The following SARS1 variants were observed in gnomAD, a reference collection of about 807,000 sequenced individuals.
The protein encoded by SARS1 is serine--tRNA ligase, cytoplasmic.
SARS1 carries 25 observed loss-of-function variants against 63.7 expected under a neutral mutation model. The ratio of observed to expected loss-of-function variants is 0.39; its 90% CI spans 0.29 to 0.55. The LOEUF (loss-of-function observed/expected upper bound fraction) is 0.55. SARS1 is among the 20% of genes least tolerant of loss of function. SARS1 has a pLI of 0.62. For missense variants in SARS1, 417 were observed against 649.7 expected (o/e 0.64, Z 3.89); for synonymous variants, 231 against 243.5 (o/e 0.95, Z 0.48).
intron 9 of SARS1, 135 bp downstream of exon 9, chr1:109,236,683 A>G: frequency 6.7e-7 from 1 of 1,484,418 alleles, no homozygotes; most frequent in Non-Finnish European, 9.0e-7. Flanking sequence ...CCAAAAAGGG[A>G]ATCTGAAAAT....
At position 109,214,064 on chromosome 1, in the gene SARS1, G is replaced by A; in HGVS notation, c.72G>A (p.Glu24=). The A allele has an allele frequency of 6.2e-7, 1 of 1,614,192 alleles. No individual in the cohort carries two copies. The highest frequency in any genetic ancestry group is 8.5e-7 in the Non-Finnish European group (1 of 1,180,016). The change falls in exon 1 of 11, where the codon GAG becomes GAA. Residue 24 remains glutamate, a synonymous_variant. Coordinates refer to ENST00000234677, the MANE Select transcript of SARS1 (RefSeq NM_006513.4). The surrounding 1 kb of genome is among the most constrained non-coding windows in gnomAD (Gnocchi z 4.6). ...CAGCCCTCATCCGAGAGACGCAGGA[G>A]AAGCGCTTCAAGGACCCGGGACTAG... ...GDPALIRETQ[E]KRFKDPGLVD... is the part of the protein sequence containing the mutation.
At position 109,235,122 on chromosome 1, in the gene SARS1, C is replaced by G; in HGVS notation, c.748-88C>G. The G allele has an allele frequency of 9.4e-7, 1 of 1,067,036 alleles. No individual in the cohort carries two copies. Among genetic ancestry groups the G allele is most frequent in the Admixed American group, 1.8e-5 (1 of 56,784 alleles). 66.1% of individuals were successfully genotyped at this position (1,067,036 alleles called of 1,614,324 possible). ...GGGATTAAAGGAAATTTTTCCTGCA[C>G]TATTATTGATCTCTTTCTTGTGGTT... On this transcript the variant is annotated intron_variant, in intron 6 of 10. Coordinates refer to ENST00000234677, the MANE Select transcript of SARS1 (RefSeq NM_006513.4). The surrounding 1 kb of genome is among the most constrained non-coding windows in gnomAD (Gnocchi z 4.7).
Position 109,236,530 on chromosome 1 carries a change from C to T in SARS1, c.1239C>T (p.Thr413=). The T allele has an allele frequency of 6.2e-7, 1 of 1,603,986 alleles. No homozygotes were observed. The highest frequency in any genetic ancestry group is 8.5e-7 in the Non-Finnish European group (1 of 1,171,466). The change falls in exon 9 of 11, where the codon ACC becomes ACT. Residue 413 remains threonine (T), a synonymous_variant. Transcript: ENST00000234677. ...ARRLRIRYGQ[T]KKMMDKVEFV... ...GGCTTCGAATCCGATATGGGCAAACCAAGAAGATGATGGACAAGGTAGATG... is the reference window on the plus strand; with the variant it reads ...GGCTTCGAATCCGATATGGGCAAACTAAGAAGATGATGGACAAGGTAGATG...
At chr1:109,216,349 T>C (rs1654786274) in intron 1 of SARS1, 22 of 985,394 alleles carry the variant, frequency 2.2e-5, no homozygotes, top group Non-Finnish European at 2.7e-5. Flanking sequence ...TAGGGTTCCT[T>C]TGGAGAACTC....
chr1:109,223,864 C>T (rs1655011227), intron 1 of SARS1, 114 bp from the exon 2 acceptor site: 1 of 764,910 alleles, frequency 1.3e-6, no homozygotes, highest in East Asian at 2.5e-5. Context: ...TCCTTCAGCT[C>T]TGCCGGCATT....
In SARS1 at chr1:109,229,483, G is replaced by C; in HGVS notation, c.358G>C (p.Glu120Gln). 1 of 1,614,230 alleles carries C rather than the reference G, an allele frequency of 6.2e-7. No individual in the cohort carries two copies. Among genetic ancestry groups the C allele is most frequent in the Admixed American group, 1.7e-5 (1 of 60,030 alleles). Residue 120 changes from glutamate to glutamine, a missense_variant, in exon 4 of 11, where the codon GAG becomes CAG. This residue lies in a region of SARS1 where 359 missense variants were observed against 529.6 expected (regional missense o/e 0.68). Coordinates refer to ENST00000234677, the MANE Select transcript of SARS1 (RefSeq NM_006513.4). ...TGAAGCCATCCTGAAGTGTGACGCG[G>C]AGCGGATAAAGTTGGAAGCAGAGCG... Reference protein sequence around the residue: ...IDEAILKCDAERIKLEAERFE... With the variant: ...IDEAILKCDAQRIKLEAERFE...
At position 109,236,995 on chromosome 1, in the gene SARS1, C is replaced by T; in HGVS notation, c.1258-249C>T. ...AGTTTCTTCCTTCCCTCAAAGGGCC[C>T]AACTCTCAGAATACCAGAAGCTACC... On this transcript the variant is annotated intron_variant, in intron 9 of 10. Transcript: ENST00000234677. 4 of 1,324,024 alleles carry T rather than the reference C, an allele frequency of 3.0e-6. No individual in the cohort carries two copies. In the South Asian group the frequency reaches 6.2e-5, roughly 21 times the overall value. 82.0% of individuals were successfully genotyped at this position (1,324,024 alleles called of 1,614,324 possible).
chr1:109,229,783 A>C (rs1459152056), intron 4 of SARS1, among the ~76,000 whole-genome samples: 1 of 152,300 alleles, frequency 6.6e-6, no homozygotes, highest in Non-Finnish European at 1.5e-5. Context: ...GACTCCTGGC[A>C]CAGAAATCTC....
Position 109,235,078 on chromosome 1 carries a change from C to G in SARS1, c.748-132C>G. 1.4e-6 allele frequency: 1 copy of G among 704,408 alleles called. No homozygotes were observed. Among genetic ancestry groups the G allele is most frequent in the Non-Finnish European group, 2.5e-6 (1 of 395,640 alleles). 43.6% of individuals were successfully genotyped at this position (704,408 alleles called of 1,614,324 possible). A position where few individuals can be genotyped will look rare whatever the true frequency, so the allele number is the denominator to read the frequency against. On this transcript the variant is annotated intron_variant, in intron 6 of 10. Transcript: ENST00000234677. The surrounding 1 kb of genome is among the most constrained non-coding windows in gnomAD (Gnocchi z 4.7). ...CCCATTCCTTTATCTTTTTAGTATT[C>G]TCTCCCCACTCCCAGGCAGGGATTA...
In SARS1 at chr1:109,229,508, G is replaced by A; in HGVS notation, c.383G>A (p.Arg128Gln). The A allele has an allele frequency of 5.0e-6, 8 of 1,614,214 alleles. No homozygotes were observed. The highest frequency in any genetic ancestry group is 1.1e-5 in the South Asian group (1 of 91,084). Reference protein sequence around the residue: ...DAERIKLEAERFENLREIGNL... With the variant: ...DAERIKLEAEQFENLREIGNL... ...GAGCGGATAAAGTTGGAAGCAGAGC[G>A]GTTTGAGAACCTCCGAGAGATTGGG... Residue 128 changes from arginine to glutamine, a missense_variant, in exon 4 of 11, where the codon CGG becomes CAG. This residue lies in a region of SARS1 where 359 missense variants were observed against 529.6 expected (regional missense o/e 0.68). Transcript: ENST00000234677.
rs1386411662 is a variant in SARS1 at position 109,235,416 on chromosome 1, C to A, written c.954C>A (p.Val318=). The A allele has an allele frequency of 6.2e-7, 1 of 1,612,564 alleles. No homozygotes were observed. Among genetic ancestry groups the A allele is most frequent in the African/African-American group, 1.3e-5 (1 of 74,888 alleles). Residue 318 remains valine (V), a synonymous_variant, in exon 7 of 11, where the codon GTC becomes GTA. Coordinates refer to ENST00000234677, the MANE Select transcript of SARS1 (RefSeq NM_006513.4). This position sits in a 1 kb window ranked among gnomAD's most constrained non-coding sequence, Gnocchi z 4.7. ...GTGACACCCGTGGCATCTTCCGAGT[C>A]CATCAGTTTGAGAAGGTGAGTAGAT... The part of the protein sequence containing the change: ...HGRDTRGIFR[V]HQFEKIEQFV...
chr1:109,228,307 G>T (rs1200414093), intron 2 of SARS1, 45 bp from the exon 3 acceptor site: 14 of 1,378,508 alleles, frequency 1.0e-5, no homozygotes, highest in Non-Finnish European at 1.4e-5. Flanking sequence ...CAATGCCAGA[G>T]ATTTTCTTTT....
chr1:109,227,327 A>G (rs1395644193), intron 2 of SARS1, among the ~76,000 whole-genome samples: 1 of 152,168 alleles, frequency 6.6e-6, no homozygotes, highest in Non-Finnish European at 1.5e-5. Context: ...TTAACTCTTT[A>G]AGTGATCTTT....
At chr1:109,226,699 C>CACATATATATATATATATAT (rs1206730217) in intron 2 of SARS1, among the ~76,000 whole-genome samples, 4,207 of 67,846 alleles carry the variant, frequency 0.062, 293 homozygotes, top group East Asian at 0.39. Context: ...TATATATATA[C>CACATATATATATATATATAT]ACACACACAC....
rs114398895 is a variant in SARS1 at position 109,232,272 on chromosome 1, T to C, written c.747+486T>C. 8.0e-3 allele frequency among the ~76,000 whole-genome samples: 1,212 copies of C among 152,278 alleles called. 17 individuals carry two copies. The highest frequency in any genetic ancestry group is 0.028 in the African/African-American group (1,161 of 41,540). On this transcript the variant is annotated intron_variant, in intron 6 of 10. Coordinates refer to ENST00000234677, the MANE Select transcript of SARS1 (RefSeq NM_006513.4). ...CCAGTTTGTGGCTCCTTCTCAACCA[T>C]GGACCATGTCAGGGAGAGCCAGACA...
chr1:109,234,971 C>CA (rs898802364), intron 6 of SARS1, among the ~76,000 whole-genome samples: 1 of 151,178 alleles, frequency 6.6e-6, no homozygotes, highest in African/African-American at 2.4e-5. Context: ...GTCTCAAAAG[C>CA]AAAAAAAAGA....
Position 109,236,448 on chromosome 1 carries a change from C to A in SARS1, c.1157C>A (p.Ser386Ter). 1.2e-6 allele frequency: 2 copies of A among 1,603,784 alleles called. No homozygotes were observed. Among genetic ancestry groups the A allele is most frequent in the Non-Finnish European group, 1.7e-6 (2 of 1,171,282 alleles). Reference sequence around the variant, plus strand: ...GACCTGGAGGCCTGGTTTCCGGGCTCAGGAGCCTTCCGTGAGTTGGTCTCC... The same window carrying A: ...GACCTGGAGGCCTGGTTTCCGGGCTAAGGAGCCTTCCGTGAGTTGGTCTCC... ...KLDLEAWFPG[S>*]GAFRELVSCS... is the part of the protein sequence containing the mutation. The change falls in exon 9 of 11, where the codon TCA becomes TAA. Residue 386 changes from serine to a stop codon, truncating the protein, a stop_gained. Coordinates refer to ENST00000234677, the MANE Select transcript of SARS1 (RefSeq NM_006513.4). LOFTEE classifies it high-confidence loss of function.
intron 5 of SARS1, chr1:109,231,421 G>T (rs141990620): frequency 2.1e-4 from 84 of 391,868 alleles, no homozygotes; most frequent in African/African-American, 1.6e-3. Flanking sequence ...TCTCTTAACG[G>T]TGTGCCTGGA....
chr1:109,219,335 CTAT>C (rs1286736495), intron 1 of SARS1, among the ~76,000 whole-genome samples: 3 of 127,318 alleles, frequency 2.4e-5, no homozygotes, highest in African/African-American at 8.9e-5. Flanking sequence ...TATATACACA[CTAT>C]ATATATATAT....
Sources: gnomAD v4.1 joint callset for allele counts (sites outside exome capture counted in the v4.1 genomes callset) on GRCh38, gnomAD v4.1.1 for gene constraint, gnomAD v4.1.1 regional missense constraint, Gnocchi (gnomAD v3.1) non-coding constraint, MANE v1.5 for transcripts, NCBI Gene and HGNC (gene_info 2026-07-23, HGNC 2026-07-21) for gene names.